Variants in ABLIM1 observed in about 807,000 individuals in gnomAD.
ABLIM1 encodes actin binding LIM protein 1.
A neutral mutation model predicts 107.0 loss-of-function variants in ABLIM1; 40 were observed. The observed-to-expected ratio is 0.37, with a 90% CI of 0.29 to 0.49. The LOEUF is 0.49. Ranked by LOEUF, ABLIM1 falls within the 20% of genes least tolerant of loss-of-function variation. The probability of loss-of-function intolerance (pLI) is 0.97; values close to 1 mark genes in which losing one functional copy is unlikely to be tolerated. For synonymous variants in ABLIM1, 357 were observed against 357.3 expected (o/e 1.00, Z 0.01); for missense variants, 857 against 1,008.5 (o/e 0.85, Z 2.04).
intron 6 of ABLIM1, among the ~76,000 whole-genome samples, chr10:114,507,880 C>A: frequency 6.6e-6 from 1 of 152,182 alleles, no homozygotes; most frequent in Non-Finnish European, 1.5e-5. Context: ...AGGCAGCAGA[C>A]CCCCCTGAGT....
chr10:114,690,361 C>G lies in ABLIM1; in HGVS notation c.-213+77700G>C, dbSNP rs533698171. 2.2e-5 allele frequency: 35 copies of G among 1,604,882 alleles called. No homozygotes were observed. The African/African-American group carries it at 3.9e-4, about 18-fold the overall frequency. ...TTTGCCATGGACAAGATGCCAGGAC[C>G]TGTATGCTTTAGGATGAAGTTCTCA... On this transcript the variant is annotated intron_variant, in intron 1 of 15. Transcript: ENST00000651092.
Position 114,619,556 on chromosome 10 carries a change from T to C in ABLIM1, c.245-17595A>G, listed in dbSNP as rs2077338817. ...CATCAAAAATGAATGCTATCCAGCA[T>C]GTAATGCTCGACAATGTAGATGAAC... On this transcript the variant is annotated intron_variant, in intron 1 of 22. Transcript: ENST00000533213. This position sits in a 1 kb window ranked among gnomAD's most constrained non-coding sequence, Gnocchi z 4.1. Among the ~76,000 whole-genome samples the C allele has an allele frequency of 6.6e-6, 1 of 152,182 alleles. No individual in the cohort carries two copies. Among genetic ancestry groups the C allele is most frequent in the African/African-American group, 2.4e-5 (1 of 41,428 alleles).
Position 114,725,735 on chromosome 10 carries a change from ATGTGTGTGTGTGTG to A in ABLIM1, c.-213+42312_-213+42325del, listed in dbSNP as rs3981295. Among the ~76,000 whole-genome samples, 7 of 142,294 alleles carry A rather than the reference ATGTGTGTGTGTGTG, an allele frequency of 4.9e-5. No individual in the cohort carries two copies. The South Asian group carries it at 9.2e-4, about 19-fold the overall frequency. 93.4% of individuals were successfully genotyped at this position (142,294 alleles called of 152,430 possible). A position where few individuals can be genotyped will look rare whatever the true frequency, so the allele number is the denominator to read the frequency against. On this transcript the variant is annotated intron_variant, in intron 1 of 15. Coordinates refer to the ABLIM1 transcript ENST00000651092. ...TATATTTACATATGATATATATAAA[ATGTGTGTGTGTGTG>A]TGTGTGTGTGTGTGTGTGTGTGTAC...
chr10:114,659,344 G>GA (rs76428176), upstream of ABLIM1, among the ~76,000 whole-genome samples: 1,069 of 130,098 alleles, frequency 8.2e-3, 7 homozygotes, highest in East Asian at 0.022. Flanking sequence ...TGTCTCTACA[G>GA]AAAAAAAAAA....
At chr10:114,530,315 GAAGTT>G (rs1435330150) in intron 6 of ABLIM1, among the ~76,000 whole-genome samples, 1 of 152,142 alleles carries the variant, frequency 6.6e-6, no homozygotes, top group African/African-American at 2.4e-5. Flanking sequence ...GCAGTCCAGA[GAAGTT>G]AAGAGACCTC....
At chr10:114,570,036 T>C (rs2071417069) in intron 4 of ABLIM1, among the ~76,000 whole-genome samples, 1 of 152,254 alleles carries the variant, frequency 6.6e-6, no homozygotes, top group African/African-American at 2.4e-5. Context: ...ATCACTATTA[T>C]AAATTGCACT....
chr10:114,485,165 G>A (rs1324127187), intron 8 of ABLIM1: 1 of 573,426 alleles, frequency 1.7e-6, no homozygotes, highest in African/African-American at 1.9e-5. Context: ...AGAGGCGCTT[G>A]TGGTGTGAGA....
At chr10:114,746,903 C>A (rs553636059) in intron 1 of ABLIM1, among the ~76,000 whole-genome samples, 2 of 152,202 alleles carry the variant, frequency 1.3e-5, no homozygotes, top group African/African-American at 4.8e-5. Context: ...TGGATTATTT[C>A]TTTTCTGCTT....
rs373533219 is a variant in ABLIM1, at chr10:114,641,622, G to T, written c.244+16335C>A. 3.3e-5 allele frequency among the ~76,000 whole-genome samples: 5 copies of T among 152,318 alleles called. No individual in the cohort carries two copies. The East Asian group carries it at 9.6e-4, about 29-fold the overall frequency. Reference sequence around the variant, plus strand: ...GTTTTAAGTAGAGTAGTAGAGGAAGGCCTCTTTGAGGACGTGCTATGTGAG... The same window carrying T: ...GTTTTAAGTAGAGTAGTAGAGGAAGTCCTCTTTGAGGACGTGCTATGTGAG... On this transcript the variant is annotated intron_variant, in intron 1 of 22. Coordinates refer to ENST00000533213, the MANE Select transcript of ABLIM1 (RefSeq NM_002313.7).
chr10:114,628,726 A>T (rs1389664171), intron 1 of ABLIM1, among the ~76,000 whole-genome samples: 1 of 152,266 alleles, frequency 6.6e-6, no homozygotes, highest in Non-Finnish European at 1.5e-5. Context: ...TTCCCAAACC[A>T]TAAGCATTCT....
intron 6 of ABLIM1, among the ~76,000 whole-genome samples, chr10:114,504,267 C>A (rs956794922): frequency 2.0e-5 from 3 of 152,134 alleles, no homozygotes; most frequent in Non-Finnish European, 4.4e-5. Context: ...TTTAATCCAT[C>A]CAACACTTGG....
chr10:114,580,657 T>C (rs73361082), intron 2 of ABLIM1, among the ~76,000 whole-genome samples: 4,346 of 152,328 alleles, frequency 0.029, 194 homozygotes, highest in African/African-American at 0.1. Flanking sequence ...GACAAAGGCA[T>C]TACTCTTTTT....
chr10:114,440,794 A>G (rs1157051046), intron 19 of ABLIM1: 17 of 648,862 alleles, frequency 2.6e-5, no homozygotes, highest in Non-Finnish European at 4.8e-5. Flanking sequence ...AGCACATAGT[A>G]TGAGCAATGA....
chr10:114,509,035 G>C (rs1185970762), intron 6 of ABLIM1, among the ~76,000 whole-genome samples: 1 of 152,232 alleles, frequency 6.6e-6, no homozygotes, highest in Non-Finnish European at 1.5e-5. Context: ...TGAGCAAAGA[G>C]AGGCACATAG....
intron 8 of ABLIM1, among the ~76,000 whole-genome samples, chr10:114,483,536 C>A (rs368550800): frequency 6.6e-6 from 1 of 152,118 alleles, no homozygotes; most frequent in Non-Finnish European, 1.5e-5. Context: ...ATTGGCCTCC[C>A]GACGTGCTGG....
chr10:114,630,233 C>T (rs1462594443), intron 1 of ABLIM1, among the ~76,000 whole-genome samples: 1 of 152,128 alleles, frequency 6.6e-6, no homozygotes, highest in Non-Finnish European at 1.5e-5. Context: ...TTCCCTTTCC[C>T]ATCACTCATA....
intron 1 of ABLIM1, among the ~76,000 whole-genome samples, chr10:114,731,399 C>T (rs887802902): frequency 2.0e-5 from 3 of 151,830 alleles, no homozygotes; most frequent in Non-Finnish European, 4.4e-5. Context: ...GCCTCGGCCT[C>T]CCAAAGTGCC....
At position 114,448,919 on chromosome 10, in the gene ABLIM1, T is replaced by A. The variant is rs552541983; in HGVS notation, c.1595-899A>T. Among the ~76,000 whole-genome samples the A allele has an allele frequency of 5.3e-5, 8 of 152,310 alleles. No homozygotes were observed. In the South Asian group the frequency reaches 1.7e-3, roughly 32 times the overall value. ...GCCACCACACCCTGTCTGGTCCACT[T>A]CATTCTAATCCTTATATACTAAATA... On this transcript the variant is annotated intron_variant, in intron 14 of 22. Transcript: ENST00000533213.
At chr10:114,606,678 T>C (rs536944222) in intron 1 of ABLIM1, among the ~76,000 whole-genome samples, 52 of 152,290 alleles carry the variant, frequency 3.4e-4, no homozygotes, top group South Asian at 8.3e-4. Flanking sequence ...AACAACACGG[T>C]GCTTGATGGC....
Sources: allele counts gnomAD v4.1 joint callset (sites outside exome capture counted in the v4.1 genomes callset), GRCh38; gene constraint gnomAD v4.1.1; non-coding constraint Gnocchi (gnomAD v3.1); transcripts MANE v1.5; gene names NCBI Gene and HGNC (gene_info 2026-07-23, HGNC 2026-07-21).